Variants in TRAM1 observed in about 807,000 individuals in gnomAD.
The protein encoded by TRAM1 is translocation associated membrane protein 1.
Under a neutral mutation model 48.7 loss-of-function variants are expected in TRAM1, and 17 were observed. That is an observed-to-expected ratio of 0.35 (90% CI 0.24 to 0.52). TRAM1 has a LOEUF of 0.52. Among genes scored for constraint, TRAM1 ranks in the 20% least tolerant of loss-of-function variants. TRAM1 has a pLI of 0.94. For missense variants in TRAM1, 351 were observed against 441.5 expected (o/e 0.79, Z 1.84); for synonymous variants, 182 against 154.0 (o/e 1.18, Z -1.34).
chr8:70,589,774 G>A (rs1234599790), intron 6 of TRAM1, among the ~76,000 whole-genome samples: 1 of 152,148 alleles, frequency 6.6e-6, no homozygotes, highest in African/African-American at 2.4e-5. Context: ...GCAGGTTGAG[G>A]CTGCAGCTGC....
intron 10 of TRAM1, among the ~76,000 whole-genome samples, chr8:70,582,645 T>A (rs1045652916): frequency 2.0e-5 from 3 of 151,820 alleles, no homozygotes; most frequent in Non-Finnish European, 4.4e-5. Flanking sequence ...TAATACCACA[T>A]ACACACTGAA....
intron 10 of TRAM1, among the ~76,000 whole-genome samples, chr8:70,579,134 G>A (rs1817021471): frequency 6.6e-6 from 1 of 152,196 alleles, no homozygotes; most frequent in Non-Finnish European, 1.5e-5. Flanking sequence ...AAATGTGTTA[G>A]GCGATTTCAT....
At chr8:70,595,036 C>G (rs1023651046) in intron 5 of TRAM1, among the ~76,000 whole-genome samples, 1 of 66,200 alleles carries the variant, frequency 1.5e-5, no homozygotes, top group Non-Finnish European at 3.8e-5. Flanking sequence ...CAAATATCCT[C>G]TGTTTTTTTT....
intron 6 of TRAM1, among the ~76,000 whole-genome samples, chr8:70,593,573 CA>C (rs1366403435): frequency 6.9e-6 from 1 of 144,708 alleles, no homozygotes; most frequent in East Asian, 2.0e-4. Context: ...TAAAATCCCA[CA>C]TAGGATTTCA....
chr8:70,587,221 C>T, intron 6 of TRAM1, 45 bp from the exon 7 acceptor site: 1 of 1,586,054 alleles, frequency 6.3e-7, no homozygotes, highest in Non-Finnish European at 8.6e-7. Context: ...AAAACATTTC[C>T]TTTCCCTTTT....
intron 10 of TRAM1, among the ~76,000 whole-genome samples, chr8:70,577,796 T>C (rs2132022898): frequency 6.6e-6 from 1 of 152,352 alleles, no homozygotes; most frequent in South Asian, 2.1e-4. Flanking sequence ...TCTTTGGGGT[T>C]CAGTGGTTCC....
intron 8 of TRAM1, among the ~76,000 whole-genome samples, chr8:70,585,380 T>A (rs946706454): frequency 4.6e-5 from 7 of 151,866 alleles, no homozygotes; most frequent in African/African-American, 9.7e-5. Context: ...GGACTTCATG[T>A]CTAAAACACC....
intron 1 of TRAM1, chr8:70,607,586 C>T (rs1817770263): frequency 1.4e-6 from 1 of 697,380 alleles, no homozygotes; most frequent in Non-Finnish European, 1.8e-6. Context: ...TCCAGGCCGG[C>T]ACTCCTCAGA....
chr8:70,589,668 T>A (rs1404761059), intron 6 of TRAM1, among the ~76,000 whole-genome samples: 2 of 152,026 alleles, frequency 1.3e-5, no homozygotes, highest in African/African-American at 2.4e-5. Flanking sequence ...CGAAACCCCA[T>A]CTCTAAAAAA....
chr8:70,600,365 T>C (rs1474218305), intron 1 of TRAM1, among the ~76,000 whole-genome samples: 1 of 152,202 alleles, frequency 6.6e-6, no homozygotes, highest in East Asian at 1.9e-4. Flanking sequence ...ATTTGACAAA[T>C]GATGATTCTC....
intron 10 of TRAM1, 102 bp from the exon 11 acceptor site, chr8:70,575,107 A>G (rs1344877147): frequency 4.9e-6 from 4 of 820,706 alleles, no homozygotes; most frequent in Non-Finnish European, 7.4e-6. Context: ...GTAAAATCCA[A>G]TTCACTCAGG....
intron 8 of TRAM1, among the ~76,000 whole-genome samples, chr8:70,585,751 A>G (rs1323399930): frequency 1.9e-5 from 2 of 107,670 alleles, no homozygotes; most frequent in Non-Finnish European, 4.4e-5. Context: ...AGGAATGGTG[A>G]TCATTAAAAA....
intron 2 of TRAM1, among the ~76,000 whole-genome samples, chr8:70,598,762 T>C (rs1430277900): frequency 6.6e-6 from 1 of 152,214 alleles, no homozygotes; most frequent in East Asian, 1.9e-4. Context: ...ATCCTTGCAA[T>C]TGCTATAATT....
chr8:70,608,253 A>G lies in TRAM1; in HGVS notation c.-54T>C. The G allele has an allele frequency of 6.6e-7, 1 of 1,512,912 alleles. No homozygotes were observed. Among genetic ancestry groups the G allele is most frequent in the Non-Finnish European group, 8.8e-7 (1 of 1,135,452 alleles). The allele number at this position is 1,512,912 out of a possible 1,614,324, so 93.7% of individuals were successfully genotyped here. ...GCTCCGCCCCGGTTCTGCTCTTCCC[A>G]GCTGCTCACCGACTCGCCGCCGCCT... On this transcript the variant is annotated 5_prime_UTR_variant, in exon 1 of 11. Transcript: ENST00000262213.
intron 1 of TRAM1, among the ~76,000 whole-genome samples, chr8:70,602,942 G>A (rs965705492): frequency 2.0e-5 from 3 of 152,148 alleles, no homozygotes; most frequent in Non-Finnish European, 4.4e-5. Context: ...TGAACAAAAC[G>A]TAGGTTGTAG....
chr8:70,596,349 TG>T, intron 4 of TRAM1, 28 bp from the exon 5 acceptor site: 3 of 1,544,324 alleles, frequency 1.9e-6, no homozygotes, highest in Non-Finnish European at 2.6e-6. Context: ...AAAATTAACC[TG>T]TGAGCATAAT....
intron 10 of TRAM1, among the ~76,000 whole-genome samples, chr8:70,582,503 T>A (rs1399042316): frequency 1.3e-5 from 2 of 150,248 alleles, no homozygotes; most frequent in African/African-American, 4.9e-5. Context: ...GGGCCAAGAC[T>A]TGCTGGGACA....
chr8:70,585,592 C>T (rs1397759547), intron 8 of TRAM1, among the ~76,000 whole-genome samples: 2 of 80,760 alleles, frequency 2.5e-5, no homozygotes, highest in Non-Finnish European at 3.3e-5. Context: ...AAAAACAACC[C>T]CATCAACAAG....
At chr8:70,594,922 C>T (rs1320499621) in intron 5 of TRAM1, among the ~76,000 whole-genome samples, 1 of 152,066 alleles carries the variant, frequency 6.6e-6, no homozygotes, top group Non-Finnish European at 1.5e-5. Context: ...AAACATAACC[C>T]ACATGTCTAT....
Sources: gnomAD v4.1 joint callset for allele counts (sites outside exome capture counted in the v4.1 genomes callset) on GRCh38, gnomAD v4.1.1 for gene constraint, MANE v1.5 for transcripts, NCBI Gene and HGNC (gene_info 2026-07-23, HGNC 2026-07-21) for gene names.